B3GNT9: variants seen among roughly 807,000 people sequenced by gnomAD.
B3GNT9 encodes the protein UDP-GlcNAc:betaGal beta-1,3-N-acetylglucosaminyltransferase 9.
For synonymous variants in B3GNT9, 359 were observed against 283.9 expected, an observed-to-expected ratio of 1.26 and a Z score of -2.66; for missense variants, 669 against 599.2, an observed-to-expected ratio of 1.12 and a Z score of -1.22.
Position 67,150,858 on chromosome 16 carries a change from C to T in B3GNT9, c.-187+7G>A, listed in dbSNP as rs1030537081. On this transcript the variant is annotated splice_region_variant and intron_variant, in intron 1 of 1. Coordinates refer to ENST00000449549, the MANE Select transcript of B3GNT9 (RefSeq NM_033309.3). ...TCAATGTCGGGCCCTGGGGTCCCGA[C>T]ACTCACGCTCGGCCCTCGGAAGTGG... The T allele has an allele frequency of 1.1e-5, 2 of 174,868 alleles. No individual in the cohort carries two copies. The highest frequency in any genetic ancestry group is 4.7e-5 in the African/African-American group (2 of 42,364). The allele number at this position is 174,868 out of a possible 1,614,324, so 10.8% of individuals were successfully genotyped here.
rs1159729389 is a variant in B3GNT9 at position 67,149,829 on chromosome 16, G to T, written c.657C>A (p.Cys219Ter). 2 of 1,613,694 alleles carry T rather than the reference G, an allele frequency of 1.2e-6. No individual in the cohort carries two copies. Among genetic ancestry groups the T allele is most frequent in the Non-Finnish European group, 1.7e-6 (2 of 1,179,718 alleles). Residue 219 changes from cysteine to a stop codon, truncating the protein, a stop_gained, in exon 2 of 2, where the codon TGC (cysteine) becomes TGA (stop). Transcript: ENST00000449549. LOFTEE classifies it low-confidence loss of function (END_TRUNC). ...CCTTAAAAACGAAGCGCACGTCGGG[G>T]CAGAAAGCTGAGGCCCAGGCTAGAA... ...IHFLAWASAF[C>*]PDVRFVFKGD...
Position 67,149,578 on chromosome 16 carries a change from G to T in B3GNT9, c.908C>A (p.Ala303Asp). 6.2e-7 allele frequency: 1 copy of T among 1,603,658 alleles called. No individual in the cohort carries two copies. Residue 303 changes from alanine (A) to aspartate (D), a missense_variant, in exon 2 of 2, where the codon GCT (alanine) becomes GAT (aspartate). Transcript: ENST00000449549. ...VLSGATLHRL[A>D]GACAQVELFP... ...GAGCTCGACCTGCGCACAGGCGCCA[G>T]CCAGGCGGTGCAGCGTGGCCCCGGA...
rs761101988 is a variant in B3GNT9, at chr16:67,150,514, T to C, written c.-29A>G. 1 of 1,270,352 alleles carries C rather than the reference T, an allele frequency of 7.9e-7. No homozygotes were observed. Among genetic ancestry groups the C allele is most frequent in the Non-Finnish European group, 9.9e-7 (1 of 1,008,714 alleles). 78.7% of individuals were successfully genotyped at this position (1,270,352 alleles called of 1,614,324 possible). The stretch of plus-strand genomic sequence containing the variant: ...CGCGCGGCCTGCGCCCTCCCTCCCC[T>C]GTAAGGGTCGCAGTCGGCAGCAGGG... On this transcript the variant is annotated 5_prime_UTR_variant, in exon 2 of 2. Coordinates refer to ENST00000449549, the MANE Select transcript of B3GNT9 (RefSeq NM_033309.3).
At position 67,148,528 on chromosome 16, in the gene B3GNT9, T is replaced by C. The variant is rs1329449949; in HGVS notation, c.*749A>G. 1 of 152,206 alleles carries C rather than the reference T, an allele frequency of 6.6e-6. No individual in the cohort carries two copies. Among genetic ancestry groups the C allele is most frequent in the Non-Finnish European group, 1.5e-5 (1 of 68,018 alleles). The allele number at this position is 152,206 out of a possible 1,614,324, so 9.4% of individuals were successfully genotyped here. ...GGCCTGCCATGTGCTGTTGCTGGGA[T>C]GTTTGTATTAAGGTAAGTGTGGGTA... On this transcript the variant is annotated 3_prime_UTR_variant, in exon 2 of 2. Coordinates refer to ENST00000449549, the MANE Select transcript of B3GNT9 (RefSeq NM_033309.3).
In B3GNT9 at chr16:67,150,411, G is replaced by C; in HGVS notation, c.75C>G (p.Leu25=). ...LLLGASLGLL[L]YAQRDGAAPT... is the part of the protein sequence containing the mutation. ...GGGCCGCGCCGTCGCGCTGCGCATA[G>C]AGTAAGAGGCCCAGGGAGGCGCCAA... Residue 25 remains leucine (L), a synonymous_variant, in exon 2 of 2, where the codon CTC becomes CTG. Coordinates refer to ENST00000449549, the MANE Select transcript of B3GNT9 (RefSeq NM_033309.3). 7.3e-7 allele frequency: 1 copy of C among 1,365,010 alleles called. No individual in the cohort carries two copies. The highest frequency in any genetic ancestry group is 9.4e-7 in the Non-Finnish European group (1 of 1,062,360). 84.6% of individuals were successfully genotyped at this position (1,365,010 alleles called of 1,614,324 possible). A position where few individuals can be genotyped will look rare whatever the true frequency, so the allele number is the denominator to read the frequency against.
Position 67,149,935 on chromosome 16 carries a change from G to A in B3GNT9, c.551C>T (p.Ala184Val), listed in dbSNP as rs563344591. 1 of 1,588,868 alleles carries A rather than the reference G, an allele frequency of 6.3e-7. No individual in the cohort carries two copies. The highest frequency in any genetic ancestry group is 8.6e-7 in the Non-Finnish European group (1 of 1,167,950). Residue 184 changes from alanine (A) to valine (V), a missense_variant, in exon 2 of 2, where the codon GCC (alanine) becomes GTC (valine). Ala to Val is a moderately conservative substitution (Grantham distance 64). Transcript: ENST00000449549. ...ARTHWRALLR[A>V]ESLAYADILL... ...GATGTCCGCATACGCAAGGCTCTCG[G>A]CCCGCAGCAGGGCGCGCCAGTGGGT...
chr16:67,150,351 C>A lies in B3GNT9; in HGVS notation c.135G>T (p.Ala45=), dbSNP rs367770902. 1.0e-5 allele frequency: 14 copies of A among 1,351,030 alleles called. No individual in the cohort carries two copies. The African/African-American group carries it at 1.8e-4, about 18-fold the overall frequency. 83.7% of individuals were successfully genotyped at this position (1,351,030 alleles called of 1,614,324 possible). A position where few individuals can be genotyped will look rare whatever the true frequency, so the allele number is the denominator to read the frequency against. The change falls in exon 2 of 2, where the codon GCG becomes GCT. Residue 45 remains alanine, a synonymous_variant. Transcript: ENST00000449549. ...TASAPRGRGR[A]APRPTPGPRA... is the part of the protein sequence containing the mutation. ...GGGGTCCGGGGGTGGGCCTCGGTGC[C>A]GCCCTCCCTCGCCCTCGCGGCGCGC...
chr16:67,150,276 C>T lies in B3GNT9; in HGVS notation c.210G>A (p.Gly70=). The change falls in exon 2 of 2, where the codon GGG becomes GGA. Residue 70 remains glycine, a synonymous_variant. Coordinates refer to ENST00000449549, the MANE Select transcript of B3GNT9 (RefSeq NM_033309.3). ...DAGAAPPAYE[G]DTPAPPTPTG... ...TAGGCGTGGGCGGCGCCGGTGTGTC[C>T]CCTTCGTAGGCCGGCGGGGCTGCAC... 1 of 1,458,222 alleles carries T rather than the reference C, an allele frequency of 6.9e-7. No homozygotes were observed. The highest frequency in any genetic ancestry group is 9.1e-7 in the Non-Finnish European group (1 of 1,101,532). 90.3% of individuals were successfully genotyped at this position (1,458,222 alleles called of 1,614,324 possible).
Position 67,149,100 on chromosome 16 carries a change from C to A in B3GNT9, c.*177G>T. 1 of 1,325,022 alleles carries A rather than the reference C, an allele frequency of 7.5e-7. No individual in the cohort carries two copies. The highest frequency in any genetic ancestry group is 9.9e-7 in the Non-Finnish European group (1 of 1,014,324). The allele number at this position is 1,325,022 out of a possible 1,614,324, so 82.1% of individuals were successfully genotyped here. On this transcript the variant is annotated 3_prime_UTR_variant, in exon 2 of 2. Transcript: ENST00000449549. ...GCTCGCTCAAAGGGTCACCATTACA[C>A]GGGTTTCAACTGGTTCCAGCAGGGT...
In B3GNT9 at chr16:67,150,547, A is replaced by AGCCCC. The variant is rs1259997145; in HGVS notation, c.-67_-63dup. 1 of 1,229,536 alleles carries AGCCCC rather than the reference A, an allele frequency of 8.1e-7. No homozygotes were observed. Among genetic ancestry groups the AGCCCC allele is most frequent in the African/African-American group, 1.6e-5 (1 of 63,844 alleles). The allele number at this position is 1,229,536 out of a possible 1,614,324, so 76.2% of individuals were successfully genotyped here. A position where few individuals can be genotyped will look rare whatever the true frequency, so the allele number is the denominator to read the frequency against. Reference sequence around the variant, plus strand: ...TCGCAGTCGGCAGCAGGGGGCAGCGAGCCCCGCCCTCCCCAGCTGAGGGGG... The same window carrying AGCCCC: ...TCGCAGTCGGCAGCAGGGGGCAGCGAGCCCCGCCCCGCCCTCCCCAGCTGAGGGGG... On this transcript the variant is annotated 5_prime_UTR_variant, in exon 2 of 2. Transcript: ENST00000449549.
rs748593766 is a variant in B3GNT9, at chr16:67,149,593, G to C, written c.893C>G (p.Thr298Arg). Residue 298 changes from threonine to arginine, a missense_variant, in exon 2 of 2, where the codon ACG (threonine) becomes AGG (arginine). Physicochemically the swap from Thr to Arg is moderately conservative, Grantham distance 71. Coordinates refer to ENST00000449549, the MANE Select transcript of B3GNT9 (RefSeq NM_033309.3). ...ACAGGCGCCAGCCAGGCGGTGCAGC[G>C]TGGCCCCGGAAAGCACAAAGCCACC... ...GGGGFVLSGATLHRLAGACAQ... is the reference protein window; with the variant it reads ...GGGGFVLSGARLHRLAGACAQ... The C allele has an allele frequency of 3.8e-6, 6 of 1,599,632 alleles. No individual in the cohort carries two copies. In the Admixed American group the frequency reaches 1.0e-4, roughly 28 times the overall value.
rs2030404429 is a variant in B3GNT9, at chr16:67,150,049, T to C, written c.437A>G (p.Gln146Arg). The C allele has an allele frequency of 6.7e-7, 1 of 1,496,050 alleles. No individual in the cohort carries two copies. The highest frequency in any genetic ancestry group is 8.9e-7 in the Non-Finnish European group (1 of 1,125,376). 92.7% of individuals were successfully genotyped at this position (1,496,050 alleles called of 1,614,324 possible). ...GAACACGCGGCGCACCAGCGCCCCC[T>C]GCACGCGACCCTCCGCGCCCCACGT... ...RQTWGAEGRV[Q>R]GALVRRVFLL... Residue 146 changes from glutamine to arginine, a missense_variant, in exon 2 of 2, where the codon CAG becomes CGG. By Grantham distance (43) the Gln-to-Arg change is conservative. Coordinates refer to ENST00000449549, the MANE Select transcript of B3GNT9 (RefSeq NM_033309.3).
chr16:67,150,315 CTG>C lies in B3GNT9; in HGVS notation c.169_170del (p.Gln57ValfsTer26). 1 of 1,411,276 alleles carries C rather than the reference CTG, an allele frequency of 7.1e-7. No homozygotes were observed. The highest frequency in any genetic ancestry group is 1.7e-5 in the South Asian group (1 of 59,526). The allele number at this position is 1,411,276 out of a possible 1,614,324, so 87.4% of individuals were successfully genotyped here. A position where few individuals can be genotyped will look rare whatever the true frequency, so the allele number is the denominator to read the frequency against. On this transcript the variant is annotated frameshift_variant, in exon 2 of 2. Coordinates refer to ENST00000449549, the MANE Select transcript of B3GNT9 (RefSeq NM_033309.3). LOFTEE classifies it low-confidence loss of function (END_TRUNC). ...PRPTPGPRAFQLPDAGAAPPA... is the reference protein window; with the variant it reads ...PRPTPGPRAFXLPDAGAAPPA... ...GCGGGGCTGCACCCGCGTCGGGTAA[CTG>C]GAACGCGCGGGGTCCGGGGGTGGGC...
rs910965513 is a variant in B3GNT9 at position 67,150,672 on chromosome 16, C to T, written c.-186-1G>A. 6 of 439,800 alleles carry T rather than the reference C, an allele frequency of 1.4e-5. No individual in the cohort carries two copies. The South Asian group carries it at 7.3e-4, about 54-fold the overall frequency. 27.2% of individuals were successfully genotyped at this position (439,800 alleles called of 1,614,324 possible). A position where few individuals can be genotyped will look rare whatever the true frequency, so the allele number is the denominator to read the frequency against. ...GTGTCGCACCGCCGGGACCGGCAGCCTGAAGGGACAAGAAGTTCACCCATG... is the reference window on the plus strand; with the variant it reads ...GTGTCGCACCGCCGGGACCGGCAGCTTGAAGGGACAAGAAGTTCACCCATG... On this transcript the variant is annotated splice_acceptor_variant, in intron 1 of 1. Transcript: ENST00000449549. LOFTEE classifies it low-confidence loss of function (5UTR_SPLICE).
Position 67,150,631 on chromosome 16 carries a change from TCTC to T in B3GNT9, c.-149_-147del, listed in dbSNP as rs994249840. On this transcript the variant is annotated 5_prime_UTR_variant, in exon 2 of 2. Transcript: ENST00000449549. ...CCGACGGTTGAGCCCCTTGCGTTGTTCTCCTCCTCCCGGCCGTGTCGCACCGCC... is the reference window on the plus strand; with the variant it reads ...CCGACGGTTGAGCCCCTTGCGTTGTTCTCCTCCCGGCCGTGTCGCACCGCC... The T allele has an allele frequency of 5.2e-5, 31 of 596,164 alleles. No homozygotes were observed. Among genetic ancestry groups the T allele is most frequent in the Non-Finnish European group, 7.1e-5 (29 of 407,234 alleles). The allele number at this position is 596,164 out of a possible 1,614,324, so 36.9% of individuals were successfully genotyped here. A position where few individuals can be genotyped will look rare whatever the true frequency, so the allele number is the denominator to read the frequency against.
At position 67,149,445 on chromosome 16, in the gene B3GNT9, C is replaced by A; in HGVS notation, c.1041G>T (p.Ala347=). ...RTFGIPQPSA[A]PHLSTFDPCF... ...AGGGGTCGAAGGTGCTCAAATGCGG[C>A]GCGGCTGAAGGCTGGGGGATGCCAA... is the stretch of plus-strand genomic sequence containing the variant. The change falls in exon 2 of 2, where the codon GCG becomes GCT. Residue 347 remains alanine (A), a synonymous_variant. Coordinates refer to ENST00000449549, the MANE Select transcript of B3GNT9 (RefSeq NM_033309.3). The A allele has an allele frequency of 6.2e-7, 1 of 1,606,514 alleles. No homozygotes were observed. The highest frequency in any genetic ancestry group is 2.2e-5 in the East Asian group (1 of 44,474).
In B3GNT9 at chr16:67,150,923, G is replaced by T. The variant is rs981399089; in HGVS notation, c.-245C>A. ...CCCTGGCCTCCGGGGCTCAGCGCAG[G>T]GTCCGAGGGGCCGCCATGGACCGGG... On this transcript the variant is annotated 5_prime_UTR_variant, in exon 1 of 2. Transcript: ENST00000449549. The T allele has an allele frequency of 1.3e-5, 2 of 155,334 alleles. No homozygotes were observed. The highest frequency in any genetic ancestry group is 2.8e-5 in the Non-Finnish European group (2 of 70,312). 9.6% of individuals were successfully genotyped at this position (155,334 alleles called of 1,614,324 possible).
In B3GNT9 at chr16:67,149,224, G is replaced by A; in HGVS notation, c.*53C>T. ...AACCACATACACGGCAATAATCTGG[G>A]AAACCGGCTCCATTCTGGGTCTGAG... On this transcript the variant is annotated 3_prime_UTR_variant, in exon 2 of 2. Transcript: ENST00000449549. The A allele has an allele frequency of 6.7e-7, 1 of 1,502,426 alleles. No individual in the cohort carries two copies. The highest frequency in any genetic ancestry group is 8.9e-7 in the Non-Finnish European group (1 of 1,127,166). 93.1% of individuals were successfully genotyped at this position (1,502,426 alleles called of 1,614,324 possible).
Position 67,149,416 on chromosome 16 carries a change from AAGC to A in B3GNT9, c.1067_1069del (p.Cys356del). On this transcript the variant is annotated inframe_deletion, in exon 2 of 2. Coordinates refer to ENST00000449549, the MANE Select transcript of B3GNT9 (RefSeq NM_033309.3). ...GTGCACTACAACCAGCTCACGGTAA[AAGC>A]AGGGGTCGAAGGTGCTCAAATGCGG... The A allele has an allele frequency of 1.2e-6, 2 of 1,604,876 alleles. No homozygotes were observed. The highest frequency in any genetic ancestry group is 1.1e-5 in the South Asian group (1 of 89,604).
Sources: allele counts gnomAD v4.1 joint callset, GRCh38; gene constraint gnomAD v4.1.1; transcripts MANE v1.5; gene names NCBI Gene and HGNC (gene_info 2026-07-23, HGNC 2026-07-21).